The following NCOA2 variants were observed in gnomAD, a reference collection of about 807,000 sequenced individuals.
NCOA2 encodes class E basic helix-loop-helix protein 75.
In NCOA2, 21 loss-of-function variants were observed where a neutral mutation model predicts 145.1. The ratio of observed to expected loss-of-function variants is 0.14; its 90% confidence interval spans 0.10 to 0.21. The LOEUF (loss-of-function observed/expected upper bound fraction) is 0.21. Among genes scored for constraint, NCOA2 ranks in the 10% least tolerant of loss-of-function variants. The pLI is 1.00. For synonymous variants in NCOA2, 619 were observed against 637.5 expected (o/e 0.97, Z 0.44); for missense variants, 1,472 against 1,837.6 (o/e 0.80, Z 3.64).
At chr8:70,345,435 G>C (rs1160582174) in intron 1 of NCOA2, among the ~76,000 whole-genome samples, 1 of 152,040 alleles carries the variant, frequency 6.6e-6, no homozygotes, top group Non-Finnish European at 1.5e-5. Flanking sequence ...CTTCACAAGG[G>C]GTCTGAGGGA....
At chr8:70,170,850 A>ACCTT (rs1814168746) in intron 5 of NCOA2, among the ~76,000 whole-genome samples, 1 of 152,116 alleles carries the variant, frequency 6.6e-6, no homozygotes, top group Non-Finnish European at 1.5e-5. Context: ...TACCAGGAAA[A>ACCTT]CCTTCCTGAA....
At chr8:70,372,782 C>T (rs1811334781) in intron 1 of NCOA2, among the ~76,000 whole-genome samples, 1 of 152,144 alleles carries the variant, frequency 6.6e-6, no homozygotes, top group South Asian at 2.1e-4. Flanking sequence ...AGTTAATTCC[C>T]CACCACATCC....
chr8:70,349,699 T>A lies in NCOA2; in HGVS notation c.-76-52899A>T, dbSNP rs1418149834. Among the ~76,000 whole-genome samples, 3 of 152,238 alleles carry A rather than the reference T, an allele frequency of 2.0e-5. No individual in the cohort carries two copies. The East Asian group carries it at 5.8e-4, about 29-fold the overall frequency. The stretch of plus-strand genomic sequence containing the variant: ...ACACTAAATGAAGATCTTCATGTCA[T>A]TTTTTCAAATAGGAAAAAATATGTT... On this transcript the variant is annotated intron_variant, in intron 1 of 22. Coordinates refer to ENST00000452400, the MANE Select transcript of NCOA2 (RefSeq NM_006540.4).
chr8:70,259,421 G>A (rs1037593917), intron 2 of NCOA2, among the ~76,000 whole-genome samples: 2 of 152,124 alleles, frequency 1.3e-5, no homozygotes, highest in East Asian at 1.9e-4. Context: ...ACTCATCTTC[G>A]TATTCCCTAC....
At chr8:70,386,905 T>A (rs1172136238) in intron 1 of NCOA2, among the ~76,000 whole-genome samples, 2 of 151,682 alleles carry the variant, frequency 1.3e-5, no homozygotes, top group Non-Finnish European at 2.9e-5. Flanking sequence ...CTTCCTTTTT[T>A]AATATTTTTA....
chr8:70,143,285 T>C (rs1585817080), intron 13 of NCOA2, among the ~76,000 whole-genome samples: 1 of 152,102 alleles, frequency 6.6e-6, no homozygotes, highest in South Asian at 2.1e-4. Context: ...GAGTATTGTA[T>C]GATCTTCACA....
intron 11 of NCOA2, among the ~76,000 whole-genome samples, chr8:70,150,100 C>T (rs1811573853): frequency 6.6e-6 from 1 of 152,160 alleles, no homozygotes; most frequent in Non-Finnish European, 1.5e-5. Context: ...TTATTTGGTT[C>T]TTCTCAGAGA....
chr8:70,121,161 C>T (rs1807762329), intron 22 of NCOA2, 141 bp downstream of exon 22: 1 of 664,752 alleles, frequency 1.5e-6, no homozygotes, highest in Non-Finnish European at 2.7e-6. Context: ...CACAAAAGCA[C>T]TGTATGCCAG....
chr8:70,366,470 G>A (rs1687686960), intron 1 of NCOA2, among the ~76,000 whole-genome samples: 2 of 151,652 alleles, frequency 1.3e-5, no homozygotes, highest in Admixed American at 1.3e-4. Context: ...GACTTGGTAA[G>A]ACCAAAATAT....
intron 1 of NCOA2, among the ~76,000 whole-genome samples, chr8:70,323,496 T>A (rs1413767787): frequency 2.0e-5 from 3 of 151,994 alleles, no homozygotes; most frequent in Non-Finnish European, 4.4e-5. Context: ...GGAAAAAAAA[T>A]TAGCAAACTT....
the NCOA2 span, among the ~76,000 whole-genome samples, chr8:70,435,803 T>C: frequency 6.6e-6 from 1 of 152,002 alleles, no homozygotes; most frequent in African/African-American, 2.4e-5. Context: ...ATGTTCACTT[T>C]GTGTTTAATA....
At chr8:70,221,235 ACC>A (rs1820108344) in intron 2 of NCOA2, among the ~76,000 whole-genome samples, 1 of 152,202 alleles carries the variant, frequency 6.6e-6, no homozygotes, top group South Asian at 2.1e-4. Context: ...TATACATAAA[ACC>A]TCACTTAAAT....
rs533098769 is a variant in NCOA2, at chr8:70,305,203, T to C, written c.-76-8403A>G. Among the ~76,000 whole-genome samples the C allele has an allele frequency of 1.8e-4, 27 of 151,962 alleles. No homozygotes were observed. In the South Asian group the frequency reaches 1.9e-3, roughly 11 times the overall value. Reference sequence around the variant, plus strand: ...CCCCAGCCAACATTAACATTATATATGTAACTACAAAGGGCAGCGGCAGTC... The same window carrying C: ...CCCCAGCCAACATTAACATTATATACGTAACTACAAAGGGCAGCGGCAGTC... On this transcript the variant is annotated intron_variant, in intron 1 of 22. Transcript: ENST00000452400.
At chr8:70,185,341 C>A (rs79182625) in intron 4 of NCOA2, among the ~76,000 whole-genome samples, 2,115 of 152,324 alleles carry the variant, frequency 0.014, 58 homozygotes, top group African/African-American at 0.048. Context: ...AACACAGAAT[C>A]ATCCAATTTA....
chr8:70,316,962 G>T (rs770073352), intron 1 of NCOA2, among the ~76,000 whole-genome samples: 2 of 152,250 alleles, frequency 1.3e-5, no homozygotes, highest in East Asian at 1.9e-4. Flanking sequence ...TCGGAAGGTT[G>T]TAAGTTCCTC....
chr8:70,295,083 C>T (rs554726258), intron 2 of NCOA2, among the ~76,000 whole-genome samples: 8 of 152,118 alleles, frequency 5.3e-5, no homozygotes, highest in African/African-American at 1.9e-4. Flanking sequence ...AAAAATAAAA[C>T]GAGACAAGAA....
intron 4 of NCOA2, among the ~76,000 whole-genome samples, chr8:70,176,782 T>A (rs10504469): frequency 1.3e-5 from 2 of 152,034 alleles, no homozygotes; most frequent in Non-Finnish European, 2.9e-5. Context: ...AGGGCCATCT[T>A]GCTACAGTAG....
At chr8:70,275,877 A>C (rs1825427671) in intron 2 of NCOA2, among the ~76,000 whole-genome samples, 1 of 152,230 alleles carries the variant, frequency 6.6e-6, no homozygotes, top group Non-Finnish European at 1.5e-5. Flanking sequence ...ATGCTTAAAC[A>C]CTTTCAACAA....
chr8:70,291,495 C>A (rs1826674263), intron 2 of NCOA2, among the ~76,000 whole-genome samples: 1 of 152,144 alleles, frequency 6.6e-6, no homozygotes, highest in South Asian at 2.1e-4. Context: ...CAAGAAACAA[C>A]ATCCTTGTGC....
Sources: gnomAD v4.1 joint callset for allele counts (sites outside exome capture counted in the v4.1 genomes callset) on GRCh38, gnomAD v4.1.1 for gene constraint, MANE v1.5 for transcripts, NCBI Gene and HGNC (gene_info 2026-07-23, HGNC 2026-07-21) for gene names.